The following PRDM11 variants were observed in gnomAD, a reference collection of about 807,000 sequenced individuals.
PRDM11 encodes PR/SET domain 11.
PRDM11 carries 20 observed loss-of-function variants against 97.8 expected under a neutral mutation model. That is an observed-to-expected ratio of 0.20 (90% CI 0.14 to 0.30). The LOEUF is 0.30. PRDM11 is among the 10% of genes least tolerant of loss of function. PRDM11 has a pLI of 1.00. For synonymous variants in PRDM11, 599 were observed against 637.7 expected, an observed-to-expected ratio of 0.94 and a Z score of 0.91; for missense variants, 1,139 against 1,555.2, an observed-to-expected ratio of 0.73 and a Z score of 4.50.
chr11:45,180,928 G>A (rs1244981430), intron 1 of PRDM11, among the ~76,000 whole-genome samples: 1 of 152,030 alleles, frequency 6.6e-6, no homozygotes, highest in Non-Finnish European at 1.5e-5. Context: ...CCTCCCAGTC[G>A]CCGCCGCCGG....
intron 1 of PRDM11, among the ~76,000 whole-genome samples, chr11:45,169,921 C>G (rs1203474004): frequency 1.3e-5 from 2 of 152,200 alleles, no homozygotes; most frequent in Non-Finnish European, 2.9e-5. Flanking sequence ...AGGCACTGCT[C>G]TAGTTTCAGG....
At chr11:45,113,376 C>T (rs1304541238) in intron 1 of PRDM11, among the ~76,000 whole-genome samples, 5 of 152,044 alleles carry the variant, frequency 3.3e-5, no homozygotes, top group Non-Finnish European at 7.4e-5. Context: ...AGTTTGAAGT[C>T]GAGTAATGTG....
At chr11:45,171,240 C>T (rs893159117) in intron 1 of PRDM11, among the ~76,000 whole-genome samples, 23 of 152,122 alleles carry the variant, frequency 1.5e-4, no homozygotes, top group African/African-American at 5.3e-4. Context: ...GCTGGAATTA[C>T]AGGCACCCAC....
chr11:45,213,284 C>A (rs1307748504), intron 5 of PRDM11: 3 of 456,446 alleles, frequency 6.6e-6, no homozygotes, highest in Non-Finnish European at 1.3e-5. Context: ...TTGATGCTTG[C>A]TTGGCCTGGA....
At position 45,204,808 on chromosome 11, in the gene PRDM11, G is replaced by T. The variant is rs766350600; in HGVS notation, c.554+30G>T. The T allele has an allele frequency of 1.3e-5, 21 of 1,581,346 alleles. No homozygotes were observed. The Admixed American group carries it at 3.3e-4, about 25-fold the overall frequency. Reference sequence around the variant, plus strand: ...GCCCTGCTCTGCTGATGTCCCGGGGGTCTTGCCTGGCCTCTGGAAAGGAGC... The same window carrying T: ...GCCCTGCTCTGCTGATGTCCCGGGGTTCTTGCCTGGCCTCTGGAAAGGAGC... On this transcript the variant is annotated intron_variant, in intron 5 of 7. Transcript: ENST00000683152.
chr11:45,151,385 G>A (rs947820914), intron 1 of PRDM11, among the ~76,000 whole-genome samples: 1 of 152,248 alleles, frequency 6.6e-6, no homozygotes, highest in Admixed American at 6.5e-5. Context: ...GTTTCCTATT[G>A]CAGATTTGTA....
intron 1 of PRDM11, among the ~76,000 whole-genome samples, chr11:45,170,191 A>G (rs908971691): frequency 4.6e-5 from 7 of 152,226 alleles, no homozygotes; most frequent in Middle Eastern, 3.4e-3. Flanking sequence ...AAAAACACAA[A>G]AATTAGCCAG....
At chr11:45,118,431 A>G (rs1852350543) in intron 1 of PRDM11, among the ~76,000 whole-genome samples, 1 of 152,254 alleles carries the variant, frequency 6.6e-6, no homozygotes, top group Admixed American at 6.5e-5. Context: ...TTCAAAAAAT[A>G]AAATCTACCA....
intron 6 of PRDM11, among the ~76,000 whole-genome samples, chr11:45,220,761 G>C (rs1003070022): frequency 6.6e-6 from 1 of 152,160 alleles, no homozygotes; most frequent in Non-Finnish European, 1.5e-5. Context: ...TGGTGACTTA[G>C]GTGTGGGAAG....
chr11:45,096,946 G>A (rs943299541), intron 1 of PRDM11, among the ~76,000 whole-genome samples: 2 of 152,214 alleles, frequency 1.3e-5, no homozygotes, highest in African/African-American at 4.8e-5. Context: ...GCGTGGCCAT[G>A]CACCAGTCTC....
chr11:45,166,405 G>A (rs1387447424), intron 1 of PRDM11, among the ~76,000 whole-genome samples: 2 of 152,140 alleles, frequency 1.3e-5, no homozygotes, highest in Non-Finnish European at 2.9e-5. Flanking sequence ...TCACAAATTG[G>A]CTAGACCCTG....
At chr11:45,180,678 G>T (rs1268151101) in intron 1 of PRDM11, among the ~76,000 whole-genome samples, 5 of 150,198 alleles carry the variant, frequency 3.3e-5, no homozygotes, top group Non-Finnish European at 5.9e-5. Flanking sequence ...CGGGCGGGGG[G>T]CGGGCGCTGG....
intron 1 of PRDM11, among the ~76,000 whole-genome samples, chr11:45,173,537 G>A (rs915142701): frequency 6.6e-6 from 1 of 151,260 alleles, no homozygotes; most frequent in Non-Finnish European, 1.5e-5. Context: ...CAGGAGAATC[G>A]CTTGAACCCG....
At chr11:45,177,531 C>G (rs1262608466) in intron 1 of PRDM11, among the ~76,000 whole-genome samples, 1 of 152,184 alleles carries the variant, frequency 6.6e-6, no homozygotes, top group African/African-American at 2.4e-5. Context: ...TTTGGTCCTG[C>G]CACATCCCAT....
rs553847438 is a variant in PRDM11 at position 45,208,102 on chromosome 11, A to C, written c.554+3324A>C. Among the ~76,000 whole-genome samples, 148 of 152,274 alleles carry C rather than the reference A, an allele frequency of 9.7e-4. 2 individuals are homozygous for C. The highest frequency in any genetic ancestry group is 3.4e-3 in the African/African-American group (140 of 41,558). ...GGAATCCCAGGTCCCCCTGGTGTCC[A>C]CCAAAGTGGAACTTGACTCCCTCAG... On this transcript the variant is annotated intron_variant, in intron 5 of 7. Coordinates refer to ENST00000683152, the MANE Select transcript of PRDM11 (RefSeq NM_001384648.1).
chr11:45,230,294 C>T lies in PRDM11; in HGVS notation c.*2135C>T, dbSNP rs1854375274. Reference sequence around the variant, plus strand: ...TCAATGCACCCCTGCCTGGTGACATCCACCCCACCTCCCACCCCAGTTGCA... The same window carrying T: ...TCAATGCACCCCTGCCTGGTGACATTCACCCCACCTCCCACCCCAGTTGCA... On this transcript the variant is annotated 3_prime_UTR_variant, in exon 8 of 8. Coordinates refer to ENST00000683152, the MANE Select transcript of PRDM11 (RefSeq NM_001384648.1). 6.6e-6 allele frequency: 1 copy of T among 152,102 alleles called. No homozygotes were observed. The highest frequency in any genetic ancestry group is 2.1e-4 in the South Asian group (1 of 4,824). The allele number at this position is 152,102 out of a possible 1,614,324, so 9.4% of individuals were successfully genotyped here.
chr11:45,103,725 T>G (rs1044953242), intron 1 of PRDM11, among the ~76,000 whole-genome samples: 8 of 148,184 alleles, frequency 5.4e-5, no homozygotes, highest in African/African-American at 1.7e-4. Context: ...TTATATGTAA[T>G]ACTATATATA....
At chr11:45,110,902 CAGATT>C (rs1176352567) in intron 1 of PRDM11, among the ~76,000 whole-genome samples, 1 of 152,186 alleles carries the variant, frequency 6.6e-6, no homozygotes. Flanking sequence ...ATCAGCTCTC[CAGATT>C]CCAATCTAAG....
chr11:45,188,667 G>A (rs909341900), intron 4 of PRDM11, among the ~76,000 whole-genome samples: 10 of 152,226 alleles, frequency 6.6e-5, no homozygotes, highest in Non-Finnish European at 1.5e-4. Flanking sequence ...GACTTGGCAG[G>A]AGTTGGACAC....
Sources: gnomAD v4.1 joint callset for allele counts (sites outside exome capture counted in the v4.1 genomes callset) on GRCh38, gnomAD v4.1.1 for gene constraint, MANE v1.5 for transcripts, NCBI Gene and HGNC (gene_info 2026-07-23, HGNC 2026-07-21) for gene names.